The following SYNPO2 variants were observed in gnomAD, a reference collection of about 807,000 sequenced individuals.
The protein encoded by SYNPO2 is synaptopodin-2.
Under a neutral mutation model 85.0 loss-of-function variants are expected in SYNPO2, and 56 were observed. That is an observed-to-expected ratio of 0.66 (90% CI 0.53 to 0.82). The LOEUF (loss-of-function observed/expected upper bound fraction) is 0.82, where lower values mean the gene tolerates loss of function less well. Ranked by LOEUF, SYNPO2 falls within the 40% of genes least tolerant of loss-of-function variation. The probability of loss-of-function intolerance (pLI) is 0.00; values close to 1 mark genes in which losing one functional copy is unlikely to be tolerated. For synonymous variants in SYNPO2, 602 were observed against 591.1 expected (o/e 1.02, Z -0.27); for missense variants, 1,575 against 1,534.2 (o/e 1.03, Z -0.44).
chr4:118,857,040 T>C (rs938109548), intron 1 of SYNPO2, among the ~76,000 whole-genome samples: 1 of 152,088 alleles, frequency 6.6e-6, no homozygotes, highest in Non-Finnish European at 1.5e-5. Context: ...ATATTTATAA[T>C]TTAAAAGAAA....
intron 1 of SYNPO2, among the ~76,000 whole-genome samples, chr4:118,880,246 G>T (rs1210296190): frequency 6.6e-6 from 1 of 152,150 alleles, no homozygotes; most frequent in Non-Finnish European, 1.5e-5. Flanking sequence ...TATACTTTGT[G>T]CATTGGGAAG....
At chr4:118,868,581 T>C (rs1029178681) in intron 1 of SYNPO2, among the ~76,000 whole-genome samples, 4 of 152,184 alleles carry the variant, frequency 2.6e-5, no homozygotes, top group African/African-American at 9.6e-5. Context: ...TCATATATGA[T>C]GGCCTTATTC....
intron 1 of SYNPO2, among the ~76,000 whole-genome samples, chr4:118,923,495 A>G (rs1434494767): frequency 6.6e-6 from 1 of 152,090 alleles, no homozygotes; most frequent in Non-Finnish European, 1.5e-5. Flanking sequence ...CCTCCATGAC[A>G]TGCAATTTAC....
rs1180377749 is a variant in SYNPO2 at position 119,031,627 on chromosome 4, G to A, written c.2852G>A (p.Gly951Asp). 2 of 1,614,110 alleles carry A rather than the reference G, an allele frequency of 1.2e-6. No homozygotes were observed. The highest frequency in any genetic ancestry group is 2.2e-5 in the East Asian group (1 of 44,874). ...QPSAAQPSKMGKKKGKKPLNA... is the reference protein window; with the variant it reads ...QPSAAQPSKMDKKKGKKPLNA... ...TCAGCTGCACAGCCCTCCAAAATGG[G>A]CAAGAAAAAGGGAAAGAAACCCCTC... The change falls in exon 4 of 5, where the codon GGC becomes GAC. Residue 951 changes from glycine (G) to aspartate (D), a missense_variant. Gly to Asp is a moderately conservative substitution (Grantham distance 94). Coordinates refer to ENST00000307142, the MANE Select transcript of SYNPO2 (RefSeq NM_133477.3).
chr4:119,057,257 G>A, intron 4 of SYNPO2, 144 bp from the exon 5 acceptor site: 1 of 977,856 alleles, frequency 1.0e-6, no homozygotes, highest in East Asian at 2.9e-5. Context: ...CTGGCTTTAA[G>A]ACTAAGCATT....
At chr4:118,978,107 G>A (rs774908254) in intron 1 of SYNPO2, among the ~76,000 whole-genome samples, 2 of 152,122 alleles carry the variant, frequency 1.3e-5, no homozygotes, top group South Asian at 2.1e-4. Flanking sequence ...CCTTGAAAAC[G>A]TCAATGGCTT....
At position 119,045,592 on chromosome 4, in the gene SYNPO2, A is replaced by G. The variant is rs76535224; in HGVS notation, c.3253-11809A>G. 7.4e-3 allele frequency among the ~76,000 whole-genome samples: 1,127 copies of G among 152,304 alleles called. 19 individuals carry two copies. Among genetic ancestry groups the G allele is most frequent in the African/African-American group, 0.026 (1,087 of 41,566 alleles). ...TCTGAACTTTTTATATATACTATTC[A>G]CTTTTTCTACCGTGGGAATCTAAAT... On this transcript the variant is annotated intron_variant, in intron 4 of 4. Transcript: ENST00000307142.
chr4:118,998,434 T>G (rs112808859), intron 1 of SYNPO2, among the ~76,000 whole-genome samples: 2,068 of 152,314 alleles, frequency 0.014, 55 homozygotes, highest in African/African-American at 0.046. Context: ...ATGAGAAAAT[T>G]AATCATGAAA....
chr4:118,973,361 A>G (rs886992514), intron 1 of SYNPO2, among the ~76,000 whole-genome samples: 17 of 151,916 alleles, frequency 1.1e-4, no homozygotes, highest in African/African-American at 3.9e-4. Context: ...ACACACTTGC[A>G]CTAAGTGTGT....
At chr4:118,864,810 T>C (rs775448509) in intron 1 of SYNPO2, among the ~76,000 whole-genome samples, 2 of 152,246 alleles carry the variant, frequency 1.3e-5, no homozygotes, top group Admixed American at 1.3e-4. Context: ...TCTTTTTTTA[T>C]CCCTTCATTT....
chr4:119,030,064 A>C lies in SYNPO2; in HGVS notation c.1289A>C (p.Glu430Ala). The change falls in exon 4 of 5, where the codon GAG (glutamate) becomes GCG (alanine). Residue 430 changes from glutamate to alanine, a missense_variant. Glu to Ala is a moderately radical substitution (Grantham distance 107). Coordinates refer to ENST00000307142, the MANE Select transcript of SYNPO2 (RefSeq NM_133477.3). ...EADEEEEGDK[E>A]DTCEVAFLGA... ...GACGAGGAGGAAGAAGGTGACAAGG[A>C]GGATACATGTGAAGTAGCATTTCTT... The C allele has an allele frequency of 6.2e-7, 1 of 1,614,160 alleles. No individual in the cohort carries two copies. Among genetic ancestry groups the C allele is most frequent in the Non-Finnish European group, 8.5e-7 (1 of 1,180,028 alleles).
intron 1 of SYNPO2, among the ~76,000 whole-genome samples, chr4:118,926,346 A>G (rs920851359): frequency 2.6e-5 from 4 of 152,172 alleles, no homozygotes; most frequent in African/African-American, 7.2e-5. Flanking sequence ...CTTTTTATAT[A>G]TGTATGGAGC....
chr4:118,880,303 T>C (rs1443943197), intron 1 of SYNPO2, among the ~76,000 whole-genome samples: 8 of 152,318 alleles, frequency 5.3e-5, no homozygotes, highest in Admixed American at 3.9e-4. Flanking sequence ...ATTCTTGTTA[T>C]GGGGGGAATT....
chr4:118,996,445 G>A (rs1355015951), intron 1 of SYNPO2, among the ~76,000 whole-genome samples: 1 of 151,962 alleles, frequency 6.6e-6, no homozygotes, highest in Non-Finnish European at 1.5e-5. Flanking sequence ...CTGAGTATAC[G>A]GAGAATATAA....
intron 4 of SYNPO2, chr4:119,033,331 G>A: frequency 7.1e-6 from 7 of 985,304 alleles, no homozygotes; most frequent in Non-Finnish European, 8.4e-6. Context: ...TTTACTATTT[G>A]TATTCGATGG....
chr4:118,889,149 C>G lies in SYNPO2; in HGVS notation c.105+8C>G, dbSNP rs1009188000. 6 of 1,613,420 alleles carry G rather than the reference C, an allele frequency of 3.7e-6. No homozygotes were observed. Among genetic ancestry groups the G allele is most frequent in the Admixed American group, 1.7e-5 (1 of 59,944 alleles). ...CCCTTACAAGTTGCAAAGGTAGGAC[C>G]TGAACGAAGTGTCACGGCTCTGTGC... On this transcript the variant is annotated splice_region_variant and intron_variant, in intron 1 of 4. Transcript: ENST00000307142.
chr4:118,864,469 G>T (rs1205202748), intron 1 of SYNPO2, among the ~76,000 whole-genome samples: 3 of 152,198 alleles, frequency 2.0e-5, no homozygotes. Context: ...AGCCTATGGT[G>T]CAGATTAAGT....
intron 4 of SYNPO2, chr4:119,035,730 T>G (rs981963272): frequency 2.0e-6 from 2 of 984,930 alleles, no homozygotes; most frequent in African/African-American, 3.5e-5. Context: ...AGTGCCGACT[T>G]CTTTCAAGAA....
At chr4:118,998,565 T>G (rs1028244904) in intron 1 of SYNPO2, among the ~76,000 whole-genome samples, 28 of 152,188 alleles carry the variant, frequency 1.8e-4, no homozygotes, top group Non-Finnish European at 1.9e-4. Context: ...TATTAATATC[T>G]TAGTGCCTGG....
Sources: allele counts gnomAD v4.1 joint callset (sites outside exome capture counted in the v4.1 genomes callset), GRCh38; gene constraint gnomAD v4.1.1; transcripts MANE v1.5; gene names NCBI Gene and HGNC (gene_info 2026-07-23, HGNC 2026-07-21).